LRRC56: variants seen among roughly 807,000 people sequenced by gnomAD.
LRRC56 encodes the protein leucine-rich repeat-containing protein 56.
In LRRC56, 41 loss-of-function variants were observed where a neutral mutation model predicts 47.8. The ratio of observed to expected loss-of-function variants is 0.86; its 90% confidence interval spans 0.67 to 1.11. The LOEUF is 1.11. Ranked by LOEUF, LRRC56 falls within the 50% of genes most tolerant of loss-of-function variation. LRRC56 has a pLI of 0.00. For synonymous variants in LRRC56, 387 were observed against 311.2 expected, an observed-to-expected ratio of 1.24 and a Z score of -2.56; for missense variants, 759 against 704.2, an observed-to-expected ratio of 1.08 and a Z score of -0.88.
rs35782858 is a variant in LRRC56 at position 539,384 on chromosome 11, C to CTTTTTTTT, written c.-158-185_-158-178dup. Among the ~76,000 whole-genome samples, 605 of 92,374 alleles carry CTTTTTTTT rather than the reference C, an allele frequency of 6.5e-3. 41 individuals are homozygous for CTTTTTTTT. Among genetic ancestry groups the CTTTTTTTT allele is most frequent in the African/African-American group, 0.019 (396 of 21,098 alleles). 60.6% of individuals were successfully genotyped at this position (92,374 alleles called of 152,430 possible). On this transcript the variant is annotated intron_variant, in intron 2 of 13. Transcript: ENST00000270115. ...ACAGGTGTGAGCCACCGCACCCAGCCTTTTTTTTTTTTTTTTTTGAGACAG... is the reference window on the plus strand; with the variant it reads ...ACAGGTGTGAGCCACCGCACCCAGCCTTTTTTTTTTTTTTTTTTTTTTTTTTGAGACAG...
rs1057150718 is a variant in LRRC56, at chr11:551,129, A to C, written c.625-2A>C. 11 of 1,303,666 alleles carry C rather than the reference A, an allele frequency of 8.4e-6. No homozygotes were observed. The highest frequency in any genetic ancestry group is 1.5e-5 in the African/African-American group (1 of 64,902). The allele number at this position is 1,303,666 out of a possible 1,614,324, so 80.8% of individuals were successfully genotyped here. A position where few individuals can be genotyped will look rare whatever the true frequency, so the allele number is the denominator to read the frequency against. Reference sequence around the variant, plus strand: ...TCCCTCCCCCTCCCCCTCCCCCTGCAGGTGCCCAGGGGCTACAACTACAGG... The same window carrying C: ...TCCCTCCCCCTCCCCCTCCCCCTGCCGGTGCCCAGGGGCTACAACTACAGG... On this transcript the variant is annotated splice_acceptor_variant, in intron 8 of 13. Transcript: ENST00000270115. LOFTEE classifies it high-confidence loss of function.
upstream of LRRC56, among the ~76,000 whole-genome samples, chr11:536,179 G>C (rs1039360740): frequency 2.0e-5 from 3 of 152,238 alleles, no homozygotes; most frequent in Admixed American, 6.5e-5. Flanking sequence ...TCCGGGCGGC[G>C]GGCGCAGCCG....
chr11:513,093 G>A, the LRRC56 span, among the ~76,000 whole-genome samples: 1 of 152,338 alleles, frequency 6.6e-6, no homozygotes, highest in South Asian at 2.1e-4. Context: ...AGCACACCCC[G>A]CCTGCAGGGG....
intron 5 of LRRC56, 150 bp from the exon 6 acceptor site, chr11:544,570 C>G: frequency 1.3e-6 from 1 of 786,136 alleles, no homozygotes; most frequent in South Asian, 1.5e-5. Flanking sequence ...CTGGGTGCCA[C>G]GTAACCCCTC....
upstream of LRRC56, chr11:535,462 C>T (rs943797936): frequency 1.4e-5 from 2 of 146,990 alleles, no homozygotes; most frequent in African/African-American, 4.9e-5. Flanking sequence ...GGGCCGAGGC[C>T]GGGGCGGGGC....
the LRRC56 span, among the ~76,000 whole-genome samples, chr11:525,743 A>C: frequency 6.6e-6 from 1 of 151,972 alleles, no homozygotes; most frequent in East Asian, 1.9e-4. Context: ...GAAAAATTAA[A>C]AAAGCATTTA....
the LRRC56 span, chr11:532,222 C>T: frequency 5.3e-6 from 2 of 375,212 alleles, no homozygotes; most frequent in Non-Finnish European, 1.0e-5. Flanking sequence ...CCGTGTCCCA[C>T]CCTCAGCCGA....
chr11:526,215 A>G, the LRRC56 span, among the ~76,000 whole-genome samples: 5 of 152,300 alleles, frequency 3.3e-5, no homozygotes, highest in African/African-American at 7.2e-5. Context: ...AAAAGTAATA[A>G]AATAAAAACA....
At chr11:526,664 C>T in the LRRC56 span, among the ~76,000 whole-genome samples, 3 of 152,184 alleles carry the variant, frequency 2.0e-5, no homozygotes, top group Admixed American at 6.5e-5. Flanking sequence ...TGGCCGGGCA[C>T]GGTGGCTCAT....
chr11:527,731 G>A, the LRRC56 span, among the ~76,000 whole-genome samples: 3 of 116,428 alleles, frequency 2.6e-5, no homozygotes, highest in South Asian at 5.3e-4. Context: ...ACAGAGTTTC[G>A]CTCTTGTTGC....
At position 554,569 on chromosome 11, in the gene LRRC56, C is replaced by T; in HGVS notation, c.*293C>T. The T allele has an allele frequency of 2.4e-6, 1 of 414,968 alleles. No individual in the cohort carries two copies. 25.7% of individuals were successfully genotyped at this position (414,968 alleles called of 1,614,324 possible). A position where few individuals can be genotyped will look rare whatever the true frequency, so the allele number is the denominator to read the frequency against. On this transcript the variant is annotated 3_prime_UTR_variant, in exon 14 of 14. Transcript: ENST00000270115. ...CGGGCACGGGGGTGGGGGGTGGTCA[C>T]CCGAGCAGGCCTGTGAGAGGCCTCT...
intron 3 of LRRC56, 25 bp from the exon 4 acceptor site, chr11:540,649 C>A: frequency 6.2e-7 from 1 of 1,603,918 alleles, no homozygotes; most frequent in South Asian, 1.1e-5. Context: ...CAGCGTGGAG[C>A]TTTGCACTGT....
chr11:533,745 G>A (rs1269799413), upstream of LRRC56: 2 of 1,613,004 alleles, frequency 1.2e-6, no homozygotes, highest in Non-Finnish European at 8.5e-7. Flanking sequence ...TGGGCTCCCG[G>A]GCCAGCCTCA....
the LRRC56 span, among the ~76,000 whole-genome samples, chr11:515,227 T>C: frequency 1.8e-4 from 28 of 152,052 alleles, no homozygotes; most frequent in Middle Eastern, 3.2e-3. Flanking sequence ...GAGACACGAA[T>C]GATGGGATGG....
upstream of LRRC56, chr11:535,292 G>A (rs1428037586): frequency 3.6e-5 from 1 of 27,918 alleles, no homozygotes; most frequent in Non-Finnish European, 9.0e-5. Flanking sequence ...CCACCCACCC[G>A]CCGCCGCCGC....
chr11:539,951 T>G (rs1386778792), intron 3 of LRRC56, among the ~76,000 whole-genome samples: 3 of 152,146 alleles, frequency 2.0e-5, no homozygotes. Context: ...CACACCTGAC[T>G]CTCTTCCTCC....
the LRRC56 span, among the ~76,000 whole-genome samples, chr11:511,044 C>T: frequency 1.3e-5 from 2 of 151,526 alleles, no homozygotes; most frequent in Admixed American, 6.6e-5. Context: ...AACACTGGCC[C>T]GGCACGGTGG....
intron 6 of LRRC56, among the ~76,000 whole-genome samples, chr11:549,619 C>T (rs1426967155): frequency 1.3e-5 from 2 of 152,230 alleles, no homozygotes; most frequent in Non-Finnish European, 2.9e-5. Flanking sequence ...TGCAGCCTGC[C>T]AGGGAGGGGA....
chr11:553,096 G>T (rs897651095), intron 13 of LRRC56, among the ~76,000 whole-genome samples: 2 of 152,232 alleles, frequency 1.3e-5, no homozygotes, highest in Non-Finnish European at 2.9e-5. Flanking sequence ...GGGCTGGGAG[G>T]AAAGGCGGCC....
Sources: gnomAD v4.1 joint callset for allele counts (sites outside exome capture counted in the v4.1 genomes callset) on GRCh38, gnomAD v4.1.1 for gene constraint, MANE v1.5 for transcripts, NCBI Gene and HGNC (gene_info 2026-07-23, HGNC 2026-07-21) for gene names.